The following SGCZ variants were observed in gnomAD, a reference collection of about 807,000 sequenced individuals.
The protein encoded by SGCZ is zeta-sarcoglycan.
Under a neutral mutation model 41.3 loss-of-function variants are expected in SGCZ, and 40 were observed. That is an observed-to-expected ratio of 0.97 (90% CI 0.75 to 1.26). The LOEUF (loss-of-function observed/expected upper bound fraction) is 1.26, where lower values mean the gene tolerates loss of function less well. Ranked by LOEUF, SGCZ falls within the 50% of genes most tolerant of loss-of-function variation. SGCZ has a pLI of 0.00. For synonymous variants in SGCZ, 206 were observed against 137.5 expected, an observed-to-expected ratio of 1.50 and a Z score of -3.49; for missense variants, 552 against 369.8, an observed-to-expected ratio of 1.49 and a Z score of -4.04.
At chr8:15,074,460 T>C (rs1805461190) in intron 1 of SGCZ, among the ~76,000 whole-genome samples, 1 of 152,174 alleles carries the variant, frequency 6.6e-6, no homozygotes, top group African/African-American at 2.4e-5. Context: ...TCCACCCCAT[T>C]AGTTTATTCT....
At chr8:15,007,593 C>T (rs1420209112) in intron 1 of SGCZ, among the ~76,000 whole-genome samples, 1 of 152,170 alleles carries the variant, frequency 6.6e-6, no homozygotes, top group Non-Finnish European at 1.5e-5. Context: ...AATGGAGATT[C>T]ATGTTCCTGA....
At chr8:14,813,165 C>T (rs1032803313) in intron 1 of SGCZ, among the ~76,000 whole-genome samples, 5 of 152,082 alleles carry the variant, frequency 3.3e-5, no homozygotes, top group Non-Finnish European at 7.4e-5. Context: ...AGTTCAAAAA[C>T]GATGAAGATT....
intron 4 of SGCZ, among the ~76,000 whole-genome samples, chr8:14,197,950 G>A (rs1805319894): frequency 6.6e-6 from 1 of 152,058 alleles, no homozygotes; most frequent in Non-Finnish European, 1.5e-5. Context: ...ATTTTAGCAA[G>A]TTTGCAGGAA....
intron 1 of SGCZ, among the ~76,000 whole-genome samples, chr8:14,577,533 G>T (rs775286307): frequency 1.3e-5 from 2 of 151,932 alleles, no homozygotes; most frequent in African/African-American, 2.4e-5. Flanking sequence ...GACTATAGGT[G>T]CATCTCAACA....
chr8:14,756,412 C>T (rs1057487338), intron 1 of SGCZ, among the ~76,000 whole-genome samples: 5 of 152,078 alleles, frequency 3.3e-5, no homozygotes, highest in South Asian at 4.2e-4. Flanking sequence ...CTCAAACTCC[C>T]GACCTCAGGT....
intron 1 of SGCZ, among the ~76,000 whole-genome samples, chr8:14,917,350 A>G (rs1799466093): frequency 1.3e-5 from 2 of 151,952 alleles, no homozygotes; most frequent in Non-Finnish European, 2.9e-5. Flanking sequence ...TACTCTTTTT[A>G]TTTATTCATA....
chr8:15,234,749 C>A (rs997845324), intron 1 of SGCZ, among the ~76,000 whole-genome samples: 4 of 151,932 alleles, frequency 2.6e-5, no homozygotes, highest in African/African-American at 9.7e-5. Flanking sequence ...GTTTGCACAC[C>A]CAGCACAGCA....
At chr8:14,132,822 G>A (rs545284527) in intron 5 of SGCZ, among the ~76,000 whole-genome samples, 43 of 152,188 alleles carry the variant, frequency 2.8e-4, no homozygotes, top group African/African-American at 9.9e-4. Flanking sequence ...CACCTTTTGC[G>A]AATTGTGCTG....
chr8:14,998,535 A>T lies in SGCZ; in HGVS notation c.39+239050T>A, dbSNP rs913227928. ...CCTTCAAACAGTTAACTTTTTCTTA[A>T]GAATCAATCCCATTTACCATGTGGA... On this transcript the variant is annotated intron_variant, in intron 1 of 7. Transcript: ENST00000382080. Among the ~76,000 whole-genome samples, 3 of 152,346 alleles carry T rather than the reference A, an allele frequency of 2.0e-5. No individual in the cohort carries two copies. In the East Asian group the frequency reaches 5.8e-4, roughly 29 times the overall value.
In SGCZ at chr8:14,793,111, TCA is replaced by T. The variant is rs1374268431; in HGVS notation, c.40-238187_40-238186del. On this transcript the variant is annotated intron_variant, in intron 1 of 7. Coordinates refer to ENST00000382080, the MANE Select transcript of SGCZ (RefSeq NM_139167.4). ...TCTTCCTATTTTAGGAAAACTATAC[TCA>T]CACAGTCAGATATTTAAAACTCTAG... Among the ~76,000 whole-genome samples, 4 of 152,332 alleles carry T rather than the reference TCA, an allele frequency of 2.6e-5. No individual in the cohort carries two copies. The East Asian group carries it at 7.7e-4, about 29-fold the overall frequency.
At chr8:15,030,754 C>A (rs1276290578) in intron 1 of SGCZ, among the ~76,000 whole-genome samples, 1 of 152,062 alleles carries the variant, frequency 6.6e-6, no homozygotes, top group Non-Finnish European at 1.5e-5. Context: ...TGGTTAAGGA[C>A]TACGGCGGAG....
At chr8:14,624,459 T>C (rs1220457427) in intron 1 of SGCZ, among the ~76,000 whole-genome samples, 4 of 150,740 alleles carry the variant, frequency 2.7e-5, no homozygotes, top group African/African-American at 9.8e-5. Flanking sequence ...CATTGCAGTA[T>C]ATACCAAGAA....
At chr8:14,652,353 G>GT (rs1244868288) in intron 1 of SGCZ, among the ~76,000 whole-genome samples, 1 of 97,006 alleles carries the variant, frequency 1.0e-5, no homozygotes, top group Non-Finnish European at 2.3e-5. Flanking sequence ...AAAAGGGGGG[G>GT]GTGTGGGGGG....
intron 1 of SGCZ, among the ~76,000 whole-genome samples, chr8:15,005,764 A>G (rs1012047820): frequency 6.6e-6 from 1 of 152,148 alleles, no homozygotes; most frequent in African/African-American, 2.4e-5. Context: ...TAACCTTATT[A>G]TCAAAAGACT....
chr8:14,688,555 T>A (rs1304570307), intron 1 of SGCZ, among the ~76,000 whole-genome samples: 3 of 152,168 alleles, frequency 2.0e-5, no homozygotes, highest in African/African-American at 4.8e-5. Flanking sequence ...CTGATCTATA[T>A]CTCTGTTTTG....
chr8:14,580,908 T>C (rs962283019), intron 1 of SGCZ, among the ~76,000 whole-genome samples: 3 of 152,222 alleles, frequency 2.0e-5, no homozygotes, highest in Non-Finnish European at 4.4e-5. Flanking sequence ...CACAATTTAC[T>C]GGTATTCACA....
intron 2 of SGCZ, among the ~76,000 whole-genome samples, chr8:14,501,047 A>G (rs952885478): frequency 6.6e-6 from 1 of 152,072 alleles, no homozygotes; most frequent in Non-Finnish European, 1.5e-5. Flanking sequence ...GGGATCCTCA[A>G]TGGGTCAAAA....
chr8:15,050,259 A>C (rs569497806), intron 1 of SGCZ, among the ~76,000 whole-genome samples: 1 of 152,310 alleles, frequency 6.6e-6, no homozygotes, highest in South Asian at 2.1e-4. Context: ...AACATATGAA[A>C]GTTGAGATTT....
rs544742064 is a variant in SGCZ, at chr8:15,016,155, A to T, written c.39+221430T>A. Among the ~76,000 whole-genome samples, 426 of 152,116 alleles carry T rather than the reference A, an allele frequency of 2.8e-3. 1 individual carries two copies. The highest frequency in any genetic ancestry group is 5.0e-3 in the Non-Finnish European group (339 of 67,986). On this transcript the variant is annotated intron_variant, in intron 1 of 7. Coordinates refer to ENST00000382080, the MANE Select transcript of SGCZ (RefSeq NM_139167.4). Reference sequence around the variant, plus strand: ...CTATTCTTTTGCAAAATTTCCTCCAAACATTTCTGGAATTCCTCTGGAAGC... The same window carrying T: ...CTATTCTTTTGCAAAATTTCCTCCATACATTTCTGGAATTCCTCTGGAAGC...
Sources: gnomAD v4.1 joint callset for allele counts (sites outside exome capture counted in the v4.1 genomes callset) on GRCh38, gnomAD v4.1.1 for gene constraint, MANE v1.5 for transcripts, NCBI Gene and HGNC (gene_info 2026-07-23, HGNC 2026-07-21) for gene names.